Variants in KIAA1217 observed in about 807,000 individuals in gnomAD.
The protein encoded by KIAA1217 is KIAA1217, also known as sickle tail protein homolog.
KIAA1217 carries 88 observed loss-of-function variants against 163.9 expected under a neutral mutation model. That is an observed-to-expected ratio of 0.54 (90% CI 0.45 to 0.64). KIAA1217 has a LOEUF of 0.64. Ranked by LOEUF, KIAA1217 falls within the 30% of genes least tolerant of loss-of-function variation. The pLI is 0.00. For synonymous variants in KIAA1217, 903 were observed against 923.1 expected (o/e 0.98, Z 0.39); for missense variants, 2,372 against 2,475.0 (o/e 0.96, Z 0.88).
chr10:23,979,400 G>A (rs1336446525), intron 1 of KIAA1217, among the ~76,000 whole-genome samples: 2 of 152,152 alleles, frequency 1.3e-5, no homozygotes, highest in Non-Finnish European at 2.9e-5. Flanking sequence ...AGGTGGAGAA[G>A]TGTTGGATTC....
chr10:24,496,643 C>A (rs1303300224), intron 8 of KIAA1217, among the ~76,000 whole-genome samples: 1 of 152,210 alleles, frequency 6.6e-6, no homozygotes, highest in Non-Finnish European at 1.5e-5. Context: ...ACCGCAGCAT[C>A]TAGGGAGAGG....
intron 1 of KIAA1217, among the ~76,000 whole-genome samples, chr10:23,881,638 G>T (rs926821545): frequency 3.3e-5 from 5 of 151,982 alleles, no homozygotes; most frequent in African/African-American, 1.2e-4. Context: ...ACTTTGAAAA[G>T]ATTTTGTCCA....
rs563921471 is a variant in KIAA1217, at chr10:24,372,182, C to T, written c.355-8687C>T. Among the ~76,000 whole-genome samples the T allele has an allele frequency of 2.6e-5, 4 of 152,248 alleles. No individual in the cohort carries two copies. In the East Asian group the frequency reaches 7.7e-4, roughly 29 times the overall value. On this transcript the variant is annotated intron_variant, in intron 2 of 20. Coordinates refer to ENST00000376454, the MANE Select transcript of KIAA1217 (RefSeq NM_019590.5). ...AACCAATCACTGAGACAAGTATTGC[C>T]AAGGAAGAAGGCTTTGATCGGGTGC...
chr10:23,768,940 A>T (rs898953855), intron 1 of KIAA1217, among the ~76,000 whole-genome samples: 3 of 152,214 alleles, frequency 2.0e-5, no homozygotes. Context: ...TCTGCTGTCC[A>T]TGCTGCTAAG....
At chr10:24,402,980 T>C (rs1169427889) in intron 3 of KIAA1217, among the ~76,000 whole-genome samples, 2 of 152,138 alleles carry the variant, frequency 1.3e-5, no homozygotes, top group African/African-American at 4.8e-5. Context: ...ACAATAGCTT[T>C]TTTAGCATAT....
At chr10:24,535,146 A>G (rs951347710) in intron 16 of KIAA1217, among the ~76,000 whole-genome samples, 10 of 152,218 alleles carry the variant, frequency 6.6e-5, no homozygotes, top group African/African-American at 2.4e-4. Context: ...AGGCTCTGAA[A>G]TCGAGGGTCT....
chr10:24,216,769 G>A (rs570108558), intron 1 of KIAA1217, among the ~76,000 whole-genome samples: 1 of 148,888 alleles, frequency 6.7e-6, no homozygotes, highest in East Asian at 2.0e-4. Context: ...AGAGGTTGCA[G>A]TGAGCTGAGA....
chr10:23,940,875 T>C (rs1002145390), intron 1 of KIAA1217, among the ~76,000 whole-genome samples: 1 of 152,230 alleles, frequency 6.6e-6, no homozygotes, highest in African/African-American at 2.4e-5. Context: ...TGTGTAAATA[T>C]CTATTTTACA....
chr10:23,800,790 A>C lies in KIAA1217; in HGVS notation c.-321+105556A>C, dbSNP rs368891501. ...CTACAATGAGATACCATCGCACGGC[A>C]GTTAGAATGGTGATCACTAAAACGT... is the stretch of plus-strand genomic sequence containing the variant. On this transcript the variant is annotated intron_variant, in intron 1 of 18. Transcript: ENST00000376462. 1.7e-4 allele frequency among the ~76,000 whole-genome samples: 26 copies of C among 152,334 alleles called. No individual in the cohort carries two copies. In the East Asian group the frequency reaches 4.8e-3, roughly 28 times the overall value.
At chr10:24,271,639 G>A (rs185311458) in intron 2 of KIAA1217, among the ~76,000 whole-genome samples, 1 of 151,912 alleles carries the variant, frequency 6.6e-6, no homozygotes, top group East Asian at 2.0e-4. Context: ...GTAGTCCCAG[G>A]TACTGGAGAG....
chr10:24,485,504 G>A (rs1255987720), intron 6 of KIAA1217, among the ~76,000 whole-genome samples: 1 of 152,158 alleles, frequency 6.6e-6, no homozygotes, highest in African/African-American at 2.4e-5. Flanking sequence ...ACCAGCTCAG[G>A]GAGGCCTTTC....
chr10:24,540,308 A>G (rs1462580593), intron 17 of KIAA1217, among the ~76,000 whole-genome samples: 1 of 152,162 alleles, frequency 6.6e-6, no homozygotes, highest in Non-Finnish European at 1.5e-5. Flanking sequence ...ATCTCAACTC[A>G]CTGCAACCTC....
intron 6 of KIAA1217, chr10:24,482,863 C>G (rs1414026091): frequency 6.6e-6 from 1 of 151,892 alleles, no homozygotes; most frequent in Admixed American, 6.6e-5. Flanking sequence ...CTACAAAAGA[C>G]TTTTTGAAAA....
intron 1 of KIAA1217, among the ~76,000 whole-genome samples, chr10:23,915,329 C>T (rs929514340): frequency 2.6e-5 from 4 of 151,958 alleles, no homozygotes; most frequent in Non-Finnish European, 5.9e-5. Flanking sequence ...GATGGGAAAA[C>T]AAGAGTTTAC....
chr10:23,988,515 A>G (rs1846079164), intron 1 of KIAA1217, among the ~76,000 whole-genome samples: 1 of 152,212 alleles, frequency 6.6e-6, no homozygotes, highest in Non-Finnish European at 1.5e-5. Context: ...GAGAGTTTAT[A>G]TATTTCTGAA....
intron 2 of KIAA1217, among the ~76,000 whole-genome samples, chr10:24,077,537 T>C (rs2061406674): frequency 6.6e-6 from 1 of 152,246 alleles, no homozygotes; most frequent in Non-Finnish European, 1.5e-5. Context: ...TGCCATAGTA[T>C]TCTATGGTGT....
intron 2 of KIAA1217, among the ~76,000 whole-genome samples, chr10:24,172,051 T>C (rs1042233348): frequency 6.6e-6 from 1 of 152,198 alleles, no homozygotes; most frequent in Non-Finnish European, 1.5e-5. Flanking sequence ...ACAGAGATCA[T>C]ACAGTTGATA....
intron 2 of KIAA1217, among the ~76,000 whole-genome samples, chr10:24,345,185 T>A (rs1414763531): frequency 1.3e-5 from 2 of 152,168 alleles, no homozygotes; most frequent in Non-Finnish European, 2.9e-5. Flanking sequence ...GAAAATGAAC[T>A]TCATTTTCCT....
chr10:24,514,771 C>T (rs2069777435), intron 10 of KIAA1217, among the ~76,000 whole-genome samples: 1 of 152,048 alleles, frequency 6.6e-6, no homozygotes, highest in Non-Finnish European at 1.5e-5. Context: ...AGCCAGATCA[C>T]CTGAGGTCAG....
Sources: gnomAD v4.1 joint callset for allele counts (sites outside exome capture counted in the v4.1 genomes callset) on GRCh38, gnomAD v4.1.1 for gene constraint, MANE v1.5 for transcripts, NCBI Gene and HGNC (gene_info 2026-07-23, HGNC 2026-07-21) for gene names.